Variants in CADPS2 observed in about 807,000 individuals in gnomAD.
CADPS2 encodes calcium dependent secretion activator 2.
CADPS2 carries 93 observed loss-of-function variants against 172.5 expected under a neutral mutation model. The ratio of observed to expected loss-of-function variants is 0.54; its 90% CI spans 0.46 to 0.64. CADPS2 has a LOEUF of 0.64. Among genes scored for constraint, CADPS2 ranks in the 30% least tolerant of loss-of-function variants. The pLI is 0.00. For missense variants in CADPS2, 1,420 were observed against 1,565.9 expected (o/e 0.91, Z 1.57); for synonymous variants, 546 against 555.2 (o/e 0.98, Z 0.23).
At position 122,321,410 on chromosome 7, in the gene CADPS2, C is replaced by T. The variant is rs185053620; in HGVS notation, c.3718-1072G>A. 2.6e-5 allele frequency among the ~76,000 whole-genome samples: 4 copies of T among 152,358 alleles called. No homozygotes were observed. In the East Asian group the frequency reaches 5.8e-4, roughly 22 times the overall value. The stretch of plus-strand genomic sequence containing the variant: ...CTTGAACCCCTGGCCTCAAATGATC[C>T]TCACATCTCAGCCTCCCAAAGTGCC... On this transcript the variant is annotated intron_variant, in intron 29 of 29. Transcript: ENST00000449022.
intron 9 of CADPS2, 61 bp from the exon 10 acceptor site, chr7:122,491,481 G>T (rs1476589): frequency 1.6e-5 from 13 of 805,050 alleles, no homozygotes; most frequent in Admixed American, 1.2e-4. Context: ...TTTAACTTTC[G>T]TTTTTTTATC....
At chr7:122,872,164 C>T (rs1244846207) in intron 1 of CADPS2, among the ~76,000 whole-genome samples, 1 of 152,010 alleles carries the variant, frequency 6.6e-6, no homozygotes, top group Non-Finnish European at 1.5e-5. Context: ...CCCCACATTG[C>T]TTATCTCTTA....
intron 1 of CADPS2, among the ~76,000 whole-genome samples, chr7:122,802,657 C>A (rs1279343050): frequency 2.0e-5 from 3 of 152,226 alleles, no homozygotes; most frequent in Non-Finnish European, 4.4e-5. Flanking sequence ...AATCATGTCT[C>A]TCTTGTCATT....
At chr7:122,620,403 G>C (rs2075453373) in intron 5 of CADPS2, among the ~76,000 whole-genome samples, 1 of 152,052 alleles carries the variant, frequency 6.6e-6, no homozygotes, top group Admixed American at 6.6e-5. Context: ...CTTTCTCCTA[G>C]GAACTAAAGA....
At chr7:122,740,455 G>C (rs2092403144) in intron 1 of CADPS2, among the ~76,000 whole-genome samples, 1 of 152,074 alleles carries the variant, frequency 6.6e-6, no homozygotes, top group Non-Finnish European at 1.5e-5. Flanking sequence ...ATATAAAAAG[G>C]CTACATACTG....
At chr7:122,641,875 AG>A (rs2077686011) in intron 3 of CADPS2, among the ~76,000 whole-genome samples, 1 of 152,004 alleles carries the variant, frequency 6.6e-6, no homozygotes, top group South Asian at 2.1e-4. Flanking sequence ...AAAAAAAAAA[AG>A]TAAAAATAGT....
intron 1 of CADPS2, among the ~76,000 whole-genome samples, chr7:122,851,805 A>T (rs1452636000): frequency 6.6e-6 from 1 of 152,106 alleles, no homozygotes; most frequent in East Asian, 1.9e-4. Context: ...TGATTCAATT[A>T]CCTCCCACTA....
chr7:122,637,889 G>C (rs541449272), intron 3 of CADPS2, among the ~76,000 whole-genome samples: 3 of 152,284 alleles, frequency 2.0e-5, no homozygotes, highest in African/African-American at 7.2e-5. Context: ...CTTTATTTAT[G>C]TCTGGATTTT....
At chr7:122,704,714 C>T (rs2086711247) in intron 2 of CADPS2, among the ~76,000 whole-genome samples, 1 of 151,980 alleles carries the variant, frequency 6.6e-6, no homozygotes, top group Non-Finnish European at 1.5e-5. Context: ...CTCTCTTCTG[C>T]CCTCGTCTTA....
chr7:122,605,439 A>G (rs1488584186), intron 6 of CADPS2, among the ~76,000 whole-genome samples: 1 of 152,142 alleles, frequency 6.6e-6, no homozygotes, highest in Non-Finnish European at 1.5e-5. Context: ...AAACATCATT[A>G]TGCAGTGTAT....
intron 2 of CADPS2, chr7:122,698,467 A>G (rs1332776096): frequency 6.2e-7 from 1 of 1,613,866 alleles, no homozygotes; most frequent in Admixed American, 1.7e-5. Context: ...CATAACCACA[A>G]CGACATCTTC....
chr7:122,844,881 AAAC>A (rs376972864), intron 1 of CADPS2, among the ~76,000 whole-genome samples: 13 of 151,550 alleles, frequency 8.6e-5, no homozygotes, highest in African/African-American at 3.2e-4. Context: ...ATGTGGCTTA[AAAC>A]AACATCAAAA....
chr7:122,572,079 A>T (rs1309191656), intron 7 of CADPS2, among the ~76,000 whole-genome samples: 3 of 152,156 alleles, frequency 2.0e-5, no homozygotes. Flanking sequence ...TCCTCGTGAA[A>T]TCATAATCAC....
chr7:122,351,067 AT>A (rs1255197035), intron 27 of CADPS2, among the ~76,000 whole-genome samples: 1 of 151,890 alleles, frequency 6.6e-6, no homozygotes, highest in Non-Finnish European at 1.5e-5. Flanking sequence ...ATGAAAAAAA[AT>A]CTCATTGTTA....
At chr7:122,426,221 T>C (rs984069793) in intron 17 of CADPS2, 2 of 152,236 alleles carry the variant, frequency 1.3e-5, no homozygotes, top group Non-Finnish European at 2.9e-5. Context: ...TGTATGTCTT[T>C]GTTTCCTTTG....
chr7:122,693,761 G>A (rs1588469202), intron 2 of CADPS2, among the ~76,000 whole-genome samples: 1 of 152,242 alleles, frequency 6.6e-6, no homozygotes, highest in Non-Finnish European at 1.5e-5. Flanking sequence ...TTCAAGACCA[G>A]CCTGGGCAAC....
At chr7:122,802,826 T>C (rs938216421) in intron 1 of CADPS2, among the ~76,000 whole-genome samples, 3 of 152,212 alleles carry the variant, frequency 2.0e-5, no homozygotes, top group Admixed American at 1.3e-4. Context: ...ATTAAACTGA[T>C]GTTGCTGAAG....
In CADPS2 at chr7:122,763,710, G is replaced by A. The variant is rs1489855851; in HGVS notation, c.340-26642C>T. Reference sequence around the variant, plus strand: ...GAAAGTAAATATGACAAGCTCTGGAGAACTTTGATAATTCCAAAGGGGTTC... The same window carrying A: ...GAAAGTAAATATGACAAGCTCTGGAAAACTTTGATAATTCCAAAGGGGTTC... On this transcript the variant is annotated intron_variant, in intron 1 of 29. Coordinates refer to ENST00000449022, the MANE Select transcript of CADPS2 (RefSeq NM_017954.11). 2.0e-5 allele frequency among the ~76,000 whole-genome samples: 3 copies of A among 152,094 alleles called. No individual in the cohort carries two copies. In the East Asian group the frequency reaches 5.8e-4, roughly 29 times the overall value.
At chr7:122,345,502 C>G (rs798684) in intron 28 of CADPS2, 72 bp downstream of exon 28, 668,298 of 863,040 alleles carry the variant, frequency 0.77, 261,816 homozygotes, top group East Asian at 1. Flanking sequence ...TGCAAACATA[C>G]CATCAAAATT....
Sources: allele counts gnomAD v4.1 joint callset (sites outside exome capture counted in the v4.1 genomes callset), GRCh38; gene constraint gnomAD v4.1.1; transcripts MANE v1.5; gene names NCBI Gene and HGNC (gene_info 2026-07-23, HGNC 2026-07-21).